Variants in MYRFL observed in about 807,000 individuals in gnomAD.
MYRFL encodes myelin regulatory factor like.
In MYRFL, 88 loss-of-function variants were observed where a neutral mutation model predicts 109.4. That is an observed-to-expected ratio of 0.80 (90% CI 0.68 to 0.96). MYRFL has a LOEUF of 0.96. Among genes scored for constraint, MYRFL ranks in the 40% least tolerant of loss-of-function variants. The pLI is 0.00. For synonymous variants in MYRFL, 324 were observed against 320.9 expected (o/e 1.01, Z -0.10); for missense variants, 957 against 954.9 (o/e 1.00, Z -0.03).
In MYRFL at chr12:69,891,012, A is replaced by G; in HGVS notation, c.749A>G (p.Asn250Ser). The change falls in exon 7 of 25, where the codon AAT becomes AGT. Residue 250 changes from asparagine (N) to serine (S), a missense_variant. Coordinates refer to ENST00000552032, the MANE Select transcript of MYRFL (RefSeq NM_182530.3). ...CGAGTTGTAACAGACAAAGGATTTA[A>G]TTTTTCACCAGCAGATGAAGCTTTT... ...GYRVVTDKGF[N>S]FSPADEAFVC... 2.6e-6 allele frequency: 4 copies of G among 1,533,984 alleles called. No individual in the cohort carries two copies. Among genetic ancestry groups the G allele is most frequent in the Non-Finnish European group, 3.5e-6 (4 of 1,145,994 alleles).
At chr12:69,937,961 C>G (rs764234617) in intron 19 of MYRFL, among the ~76,000 whole-genome samples, 2 of 151,550 alleles carry the variant, frequency 1.3e-5, no homozygotes, top group African/African-American at 2.4e-5. Flanking sequence ...AGCCTACAAA[C>G]GAGGTGCTTT....
chr12:69,882,478 G>A (rs1293104452), intron 5 of MYRFL, among the ~76,000 whole-genome samples: 2 of 152,186 alleles, frequency 1.3e-5, no homozygotes, highest in African/African-American at 4.8e-5. Context: ...CATTGCTAGA[G>A]GAAGGAGGAG....
At position 69,862,812 on chromosome 12, in the gene MYRFL, C is replaced by A. The variant is rs532947250; in HGVS notation, c.137+7442C>A. Among the ~76,000 whole-genome samples the A allele has an allele frequency of 1.5e-3, 231 of 152,218 alleles. 1 individual carries two copies. Among genetic ancestry groups the A allele is most frequent in the African/African-American group, 4.0e-3 (164 of 41,510 alleles). On this transcript the variant is annotated intron_variant, in intron 2 of 24. Coordinates refer to ENST00000552032, the MANE Select transcript of MYRFL (RefSeq NM_182530.3). ...TTGAATAGGAGTGGTGAGAGAGGGC[C>A]TCCCTGTCTTGTGCCAGTTTTCAAA...
chr12:69,934,454 A>AGAG (rs1294581465), intron 16 of MYRFL, among the ~76,000 whole-genome samples: 1 of 152,224 alleles, frequency 6.6e-6, no homozygotes, highest in Admixed American at 6.5e-5. Flanking sequence ...AATGAACAGC[A>AGAG]GAGTGTCCTG....
At chr12:69,958,179 C>A in intron 23 of MYRFL, 70 bp from the exon 24 acceptor site, 1 of 1,345,578 alleles carries the variant, frequency 7.4e-7, no homozygotes, top group Non-Finnish European at 1.0e-6. Flanking sequence ...AATGCTTTTT[C>A]AGCCTGTACT....
chr12:69,936,076 A>ATTT, intron 16 of MYRFL, 37 bp from the exon 17 acceptor site: 3 of 1,383,394 alleles, frequency 2.2e-6, no homozygotes, highest in East Asian at 2.9e-5. Context: ...CTGCCACATA[A>ATTT]TGTTTTTTTT....
At chr12:69,884,877 C>G (rs894653041) in intron 5 of MYRFL, among the ~76,000 whole-genome samples, 1 of 152,108 alleles carries the variant, frequency 6.6e-6, no homozygotes, top group African/African-American at 2.4e-5. Flanking sequence ...CATGATTACT[C>G]CCATTTTGCA....
intron 2 of MYRFL, among the ~76,000 whole-genome samples, chr12:69,874,210 A>G (rs7314653): frequency 0.042 from 6,373 of 152,292 alleles, 172 homozygotes; most frequent in East Asian, 0.11. Context: ...ATAACTTCTC[A>G]GCCTGTTGCT....
At chr12:69,940,491 C>G (rs1192140949) in intron 19 of MYRFL, among the ~76,000 whole-genome samples, 6 of 150,156 alleles carry the variant, frequency 4.0e-5, no homozygotes, top group Non-Finnish European at 7.4e-5. Flanking sequence ...ACTTTACAGA[C>G]AAGCAAATGC....
At chr12:69,839,668 T>G (rs1476849619) in intron 1 of MYRFL, among the ~76,000 whole-genome samples, 1 of 152,194 alleles carries the variant, frequency 6.6e-6, no homozygotes, top group Non-Finnish European at 1.5e-5. Flanking sequence ...ATAGTACCTA[T>G]CTCATAGAAT....
intron 1 of MYRFL, among the ~76,000 whole-genome samples, chr12:69,853,133 A>AG (rs1883994213): frequency 6.6e-6 from 1 of 152,138 alleles, no homozygotes; most frequent in Non-Finnish European, 1.5e-5. Flanking sequence ...GGCTGGGCAG[A>AG]GGGGCTCCTC....
At position 69,830,376 on chromosome 12, in the gene MYRFL, C is replaced by T. The variant is rs1882555837; in HGVS notation, c.46+4813C>T. The stretch of plus-strand genomic sequence containing the variant: ...CTTTTATTTCTATGGGATCCCTATA[C>T]TGTCCTTGTTTATACTATTTTTGGA... On this transcript the variant is annotated intron_variant, in intron 1 of 24. Transcript: ENST00000552032. 2.7e-5 allele frequency among the ~76,000 whole-genome samples: 4 copies of T among 150,582 alleles called. No individual in the cohort carries two copies. The South Asian group carries it at 8.3e-4, about 31-fold the overall frequency.
At chr12:69,884,116 T>C (rs1236246470) in intron 5 of MYRFL, among the ~76,000 whole-genome samples, 1 of 152,198 alleles carries the variant, frequency 6.6e-6, no homozygotes, top group Non-Finnish European at 1.5e-5. Flanking sequence ...ATGATCTGTG[T>C]ACTCTTCTTG....
rs759316177 is a variant in MYRFL, at chr12:69,932,503, C to G, written c.1831-10C>G. The G allele has an allele frequency of 6.5e-7, 1 of 1,532,062 alleles. No homozygotes were observed. The highest frequency in any genetic ancestry group is 8.7e-7 in the Non-Finnish European group (1 of 1,143,242). The allele number at this position is 1,532,062 out of a possible 1,614,324, so 94.9% of individuals were successfully genotyped here. On this transcript the variant is annotated splice_polypyrimidine_tract_variant and intron_variant, in intron 15 of 24. Coordinates refer to ENST00000552032, the MANE Select transcript of MYRFL (RefSeq NM_182530.3). Reference sequence around the variant, plus strand: ...AATTTATCACTGCTCATTACTGAACCTTTTTATAGGTTTATTTTTCAGGAA... The same window carrying G: ...AATTTATCACTGCTCATTACTGAACGTTTTTATAGGTTTATTTTTCAGGAA...
intron 1 of MYRFL, among the ~76,000 whole-genome samples, chr12:69,837,723 A>G (rs921184018): frequency 1.3e-5 from 2 of 152,118 alleles, no homozygotes; most frequent in Non-Finnish European, 2.9e-5. Context: ...CTTCTGGAGC[A>G]CACTTCCCTG....
intron 1 of MYRFL, among the ~76,000 whole-genome samples, chr12:69,852,939 G>T (rs1254185240): frequency 1.3e-5 from 2 of 152,294 alleles, no homozygotes; most frequent in Admixed American, 6.5e-5. Flanking sequence ...CAAGGCAGAA[G>T]AATTTTTCTT....
At chr12:69,938,106 G>A (rs1011162695) in intron 19 of MYRFL, among the ~76,000 whole-genome samples, 9 of 152,286 alleles carry the variant, frequency 5.9e-5, no homozygotes, top group Non-Finnish European at 1.3e-4. Flanking sequence ...TCACTATGGA[G>A]TAGAACTAAA....
intron 7 of MYRFL, among the ~76,000 whole-genome samples, chr12:69,891,623 CCTCCTTCCTTTCTTTT>C (rs1886846907): frequency 3.3e-5 from 1 of 30,750 alleles, no homozygotes; most frequent in African/African-American, 1.3e-4. Flanking sequence ...TTCTTTCTTT[CCTCCTTCCTTTCTTTT>C]TCTTTCTTTC....
chr12:69,852,579 A>ATTTTTTTTTTTTTTTTTTTTTATTT (rs61145700), intron 1 of MYRFL, among the ~76,000 whole-genome samples: 1 of 112,210 alleles, frequency 8.9e-6, no homozygotes, highest in Non-Finnish European at 1.8e-5. Context: ...TTAATTTTTA[A>ATTTTTTTTTTTTTTTTTTTTTATTT]TTTTTTTTTT....
Sources: gnomAD v4.1 joint callset for allele counts (sites outside exome capture counted in the v4.1 genomes callset) on GRCh38, gnomAD v4.1.1 for gene constraint, MANE v1.5 for transcripts, NCBI Gene and HGNC (gene_info 2026-07-23, HGNC 2026-07-21) for gene names.